The following CPM variants were observed in gnomAD, a reference collection of about 807,000 sequenced individuals.
CPM encodes renal carboxypeptidase.
In CPM, 35 loss-of-function variants were observed where a neutral mutation model predicts 46.4. The observed-to-expected ratio is 0.75, with a 90% CI of 0.58 to 1.00. The LOEUF (loss-of-function observed/expected upper bound fraction) is 1.00, where lower values mean the gene tolerates loss of function less well. CPM is among the 50% of genes least tolerant of loss of function. CPM has a pLI of 0.00. For synonymous variants in CPM, 195 were observed against 195.3 expected (o/e 1.00, Z 0.01); for missense variants, 422 against 530.4 (o/e 0.80, Z 2.01).
At chr12:68,962,029 T>C (rs1451431232) in intron 1 of CPM, among the ~76,000 whole-genome samples, 2 of 151,628 alleles carry the variant, frequency 1.3e-5, no homozygotes, top group Admixed American at 6.6e-5. Flanking sequence ...TGAAACCCTG[T>C]CTCCACTGAA....
chr12:68,906,950 G>A (rs1375575316), intron 2 of CPM, among the ~76,000 whole-genome samples: 1 of 152,198 alleles, frequency 6.6e-6, no homozygotes, highest in African/African-American at 2.4e-5. Context: ...AAGAACCCTG[G>A]CTTCCAGAAT....
intron 2 of CPM, among the ~76,000 whole-genome samples, chr12:68,895,409 G>T (rs1372417114): frequency 1.3e-5 from 2 of 152,200 alleles, no homozygotes; most frequent in Non-Finnish European, 2.9e-5. Flanking sequence ...GAAGGTGACA[G>T]GGAGCAGAGT....
At chr12:68,931,744 CA>C (rs1230893187) in intron 2 of CPM, among the ~76,000 whole-genome samples, 70 of 36,200 alleles carry the variant, frequency 1.9e-3, no homozygotes, top group South Asian at 7.2e-3. Context: ...AGACTCTGAC[CA>C]AAAAAAAAAA....
chr12:68,913,424 TC>T (rs1368249590), intron 2 of CPM, among the ~76,000 whole-genome samples: 6 of 152,172 alleles, frequency 3.9e-5, no homozygotes, highest in African/African-American at 1.4e-4. Flanking sequence ...AACAGTGGGA[TC>T]TTTTGCCTAA....
upstream of CPM, among the ~76,000 whole-genome samples, chr12:68,933,360 G>T (rs1002215717): frequency 1.3e-5 from 2 of 151,866 alleles, no homozygotes; most frequent in Non-Finnish European, 2.9e-5. Flanking sequence ...GGCTGCTGGT[G>T]CCCGCGGCCG....
In CPM at chr12:68,843,034, G is replaced by A. The variant is rs1397487300; in HGVS notation, c.534-705C>T. 7 of 215,302 alleles carry A rather than the reference G, an allele frequency of 3.3e-5. No individual in the cohort carries two copies. The East Asian group carries it at 4.8e-4, about 15-fold the overall frequency. The allele number at this position is 215,302 out of a possible 1,614,324, so 13.3% of individuals were successfully genotyped here. ...TGGTAGAACAAGCTTTATTTTTCGA[G>A]CCTAGCAATGATCTAGAAGCAGATG... On this transcript the variant is annotated intron_variant, in intron 5 of 5. Transcript: ENST00000551897.
chr12:68,948,730 AT>A (rs1440415433), intron 1 of CPM, among the ~76,000 whole-genome samples: 1 of 152,186 alleles, frequency 6.6e-6, no homozygotes, highest in Non-Finnish European at 1.5e-5. Flanking sequence ...ATTAAGGGTA[AT>A]TCAGTAAGGA....
At chr12:68,925,199 A>T (rs1005301534) in intron 2 of CPM, among the ~76,000 whole-genome samples, 13 of 152,218 alleles carry the variant, frequency 8.5e-5, no homozygotes, top group African/African-American at 3.1e-4. Flanking sequence ...AGAAATTATA[A>T]ATCAACACAA....
At chr12:68,959,670 G>A (rs973771868) in intron 1 of CPM, among the ~76,000 whole-genome samples, 12 of 152,242 alleles carry the variant, frequency 7.9e-5, no homozygotes, top group African/African-American at 2.9e-4. Flanking sequence ...GGCCAAAATT[G>A]GAGAGAGGGT....
chr12:68,914,406 G>A (rs947454964), intron 2 of CPM, among the ~76,000 whole-genome samples: 9 of 152,148 alleles, frequency 5.9e-5, no homozygotes, highest in Admixed American at 3.3e-4. Context: ...TTCAATAATC[G>A]GCAGTGGCAT....
intron 7 of CPM, among the ~76,000 whole-genome samples, chr12:68,861,385 C>T (rs1171728525): frequency 2.6e-5 from 4 of 152,124 alleles, no homozygotes; most frequent in Admixed American, 6.6e-5. Context: ...AAAATCCATG[C>T]GTTTCAGCAA....
At chr12:68,931,463 G>A (rs559603339) in intron 2 of CPM, among the ~76,000 whole-genome samples, 2 of 152,122 alleles carry the variant, frequency 1.3e-5, no homozygotes, top group South Asian at 4.2e-4. Context: ...ATGGTATCTC[G>A]GCCGGGCACG....
chr12:68,894,410 GTC>G (rs1369482972), intron 2 of CPM, among the ~76,000 whole-genome samples: 2 of 152,134 alleles, frequency 1.3e-5, no homozygotes, highest in Non-Finnish European at 2.9e-5. Context: ...AACATCCAGA[GTC>G]TTCCCTCGGT....
chr12:68,860,877 TTTC>T (rs909117504), intron 7 of CPM, among the ~76,000 whole-genome samples: 17 of 151,802 alleles, frequency 1.1e-4, no homozygotes, highest in African/African-American at 3.9e-4. Context: ...CTTGCTTTCC[TTTC>T]TTCTTCTTTT....
chr12:68,876,303 A>G (rs1885948992), intron 3 of CPM, among the ~76,000 whole-genome samples: 1 of 152,358 alleles, frequency 6.6e-6, no homozygotes, highest in African/African-American at 2.4e-5. Context: ...TAAACAGATG[A>G]AATTTCAGAG....
At chr12:68,888,495 G>A (rs1439558711) in intron 2 of CPM, among the ~76,000 whole-genome samples, 1 of 152,168 alleles carries the variant, frequency 6.6e-6, no homozygotes, top group Non-Finnish European at 1.5e-5. Flanking sequence ...CCTCTTGAAG[G>A]GTTTTAACTG....
At chr12:68,894,017 C>T (rs914685471) in intron 2 of CPM, among the ~76,000 whole-genome samples, 16 of 152,052 alleles carry the variant, frequency 1.1e-4, no homozygotes, top group Admixed American at 7.2e-4. Context: ...GGGTGTGGAG[C>T]GCTGGTTGTT....
chr12:68,953,280 C>A (rs912167827), intron 1 of CPM, among the ~76,000 whole-genome samples: 1 of 151,862 alleles, frequency 6.6e-6, no homozygotes, highest in Non-Finnish European at 1.5e-5. Context: ...AATGGAAGAA[C>A]CCAAGGATTT....
chr12:68,884,137 T>C (rs1051226634), intron 3 of CPM, among the ~76,000 whole-genome samples: 2 of 142,026 alleles, frequency 1.4e-5, no homozygotes, highest in African/African-American at 5.2e-5. Flanking sequence ...AAAAAAGCAT[T>C]CTGAGGGACC....
Sources: gnomAD v4.1 joint callset for allele counts (sites outside exome capture counted in the v4.1 genomes callset) on GRCh38, gnomAD v4.1.1 for gene constraint, MANE v1.5 for transcripts, NCBI Gene and HGNC (gene_info 2026-07-23, HGNC 2026-07-21) for gene names.